The following C16orf96 variants were observed in gnomAD, a reference collection of about 807,000 sequenced individuals.
The protein encoded by C16orf96 is chromosome 16 open reading frame 96, also known as uncharacterized protein C16orf96.
C16orf96 carries 108 observed loss-of-function variants against 103.6 expected under a neutral mutation model. The ratio of observed to expected loss-of-function variants is 1.04; its 90% CI spans 0.89 to 1.22. The LOEUF (loss-of-function observed/expected upper bound fraction) is 1.22. Ranked by LOEUF, C16orf96 falls within the 50% of genes most tolerant of loss-of-function variation. C16orf96 has a pLI of 0.00. For synonymous variants in C16orf96, 566 were observed against 593.5 expected, an observed-to-expected ratio of 0.95 and a Z score of 0.67; for missense variants, 1,586 against 1,464.2, an observed-to-expected ratio of 1.08 and a Z score of -1.36.
intron 1 of C16orf96, 78 bp from the exon 2 acceptor site, chr16:4,571,480 TATC>T: frequency 8.2e-7 from 1 of 1,220,572 alleles, no homozygotes. Context: ...GAACAACGGC[TATC>T]ATCAGAAAGC....
chr16:4,576,981 C>T (rs1382422309), intron 5 of C16orf96, among the ~76,000 whole-genome samples: 7 of 151,948 alleles, frequency 4.6e-5, no homozygotes, highest in Non-Finnish European at 5.9e-5. Flanking sequence ...CACCTGAGAC[C>T]GCAAGTTCAA....
rs553306493 is a variant in C16orf96, at chr16:4,593,005, T to C, written c.2775-219T>C. Among the ~76,000 whole-genome samples the C allele has an allele frequency of 6.6e-6, 1 of 152,198 alleles. No individual in the cohort carries two copies. Among genetic ancestry groups the C allele is most frequent in the Non-Finnish European group, 1.5e-5 (1 of 68,036 alleles). ...TTTACTTTTGGAAATAGAACAATTGTTTTTTGTGTCTTACTGTGATGATCA... is the reference window on the plus strand; with the variant it reads ...TTTACTTTTGGAAATAGAACAATTGCTTTTTGTGTCTTACTGTGATGATCA... On this transcript the variant is annotated intron_variant, in intron 11 of 15. Transcript: ENST00000444310. The surrounding 1 kb of genome is among the most constrained non-coding windows in gnomAD (Gnocchi z 4.2).
In C16orf96 at chr16:4,588,316, G is replaced by A. The variant is rs1896977213; in HGVS notation, c.2577G>A (p.Lys859=). Residue 859 remains lysine, a synonymous_variant, in exon 9 of 16, where the codon AAG becomes AAA. Transcript: ENST00000444310. ...AGAAGGCTATGGAGGAGCTCAGCAA[G>A]GACGTGAACACCAAGGTGAATGCCC... ...SWKKAMEELS[K]DVNTKLVHSD... is the part of the protein sequence containing the mutation. 1 of 1,550,466 alleles carries A rather than the reference G, an allele frequency of 6.4e-7. No individual in the cohort carries two copies. The highest frequency in any genetic ancestry group is 1.4e-5 in the African/African-American group (1 of 73,168).
intron 1 of C16orf96, among the ~76,000 whole-genome samples, chr16:4,567,326 C>T (rs1013647370): frequency 1.9e-4 from 25 of 129,554 alleles, no homozygotes; most frequent in African/African-American, 7.2e-4. Context: ...CTCTGTCACC[C>T]AGGCTGGAGT....
intron 9 of C16orf96, among the ~76,000 whole-genome samples, chr16:4,589,037 C>G (rs149242396): frequency 7.2e-5 from 11 of 152,288 alleles, no homozygotes; most frequent in African/African-American, 2.2e-4. Context: ...TGACACATCA[C>G]TGGCAGTCAG....
chr16:4,579,820 A>C (rs1350223850), intron 6 of C16orf96, among the ~76,000 whole-genome samples, 195 bp from the exon 7 acceptor site: 1 of 152,070 alleles, frequency 6.6e-6, no homozygotes, highest in Non-Finnish European at 1.5e-5. Context: ...CGTGTTGGGC[A>C]GGCTGGTCTC....
At chr16:4,544,053 C>T in the C16orf96 span, among the ~76,000 whole-genome samples, 1 of 152,098 alleles carries the variant, frequency 6.6e-6, no homozygotes, top group Admixed American at 6.6e-5. Context: ...GAGGAAGGAC[C>T]TGTGGAAACT....
In C16orf96 at chr16:4,598,257, G is replaced by T. The variant is rs375325384; in HGVS notation, c.3128-1027G>T. On this transcript the variant is annotated intron_variant, in intron 14 of 15. Coordinates refer to ENST00000444310, the MANE Select transcript of C16orf96 (RefSeq NM_001145011.2). ...TCCCAGCTACTTGGGGGGCTGAGGC[G>T]GGAGGATCACTTGAGCCCAGGAGGT... is the stretch of plus-strand genomic sequence containing the variant. Among the ~76,000 whole-genome samples the T allele has an allele frequency of 6.6e-5, 10 of 152,146 alleles. No individual in the cohort carries two copies. The South Asian group carries it at 2.1e-3, about 32-fold the overall frequency.
rs1307377663 is a variant in C16orf96, at chr16:4,575,430, C to T, written c.950C>T (p.Ala317Val). Residue 317 changes from alanine to valine, a missense_variant, in exon 5 of 16, where the codon GCA becomes GTA. By Grantham distance (64) the Ala-to-Val change is moderately conservative. Transcript: ENST00000444310. ...AQPPALTPESAPGCTTEFAPG... is the reference protein window; with the variant it reads ...AQPPALTPESVPGCTTEFAPG... ...CCTCCGGCCCTCACGCCTGAGTCTG[C>T]ACCTGGGTGCACAACTGAATTTGCA... 1.9e-6 allele frequency: 3 copies of T among 1,549,392 alleles called. No individual in the cohort carries two copies. Among genetic ancestry groups the T allele is most frequent in the East Asian group, 4.9e-5 (2 of 40,918 alleles).
intron 2 of C16orf96, among the ~76,000 whole-genome samples, chr16:4,572,646 C>G (rs1302706127): frequency 6.6e-6 from 1 of 152,088 alleles, no homozygotes; most frequent in Non-Finnish European, 1.5e-5. Context: ...TGGCTTCATT[C>G]TCAGGCAGGT....
chr16:4,581,602 C>A (rs1284510474), intron 7 of C16orf96, among the ~76,000 whole-genome samples: 2 of 151,926 alleles, frequency 1.3e-5, no homozygotes, highest in Non-Finnish European at 2.9e-5. Flanking sequence ...CACTGCACTC[C>A]AGCCTGGGCG....
intron 12 of C16orf96, 129 bp from the exon 13 acceptor site, chr16:4,594,222 C>G: frequency 9.1e-7 from 1 of 1,097,442 alleles, no homozygotes; most frequent in Non-Finnish European, 1.3e-6. Context: ...GCCTGCCTGG[C>G]TGTGCCAGCT....
chr16:4,594,534 C>G (rs1417353093), intron 13 of C16orf96, 24 bp downstream of exon 13: 2 of 1,548,196 alleles, frequency 1.3e-6, no homozygotes, highest in Non-Finnish European at 1.7e-6. Context: ...GGGCCTCCTT[C>G]TCAGAGGGTG....
chr16:4,572,445 G>A lies in C16orf96; in HGVS notation c.525+780G>A, dbSNP rs564117235. 4.6e-5 allele frequency among the ~76,000 whole-genome samples: 7 copies of A among 151,722 alleles called. No individual in the cohort carries two copies. In the East Asian group the frequency reaches 5.8e-4, roughly 13 times the overall value. On this transcript the variant is annotated intron_variant, in intron 2 of 15. Transcript: ENST00000444310. ...CTCCCGAGTAGCTGGGACTACAGGC[G>A]CCCGCCCCCATGCCCGGCTAATTTT...
At chr16:4,547,199 A>G in the C16orf96 span, among the ~76,000 whole-genome samples, 2 of 152,170 alleles carry the variant, frequency 1.3e-5, no homozygotes. Context: ...CAGTGGTATG[A>G]TCTTGGCTCA....
Position 4,591,697 on chromosome 16 carries a change from A to C in C16orf96, c.2624A>C (p.Lys875Thr), listed in dbSNP as rs1274559492. Residue 875 changes from lysine to threonine, a missense_variant, in exon 10 of 16, where the codon AAA becomes ACA. Transcript: ENST00000444310. ...LVHSDLDPLK[K>T]EMEEVWKIVR... ...CACAGTGATCTGGATCCCTTGAAGA[A>C]AGAAATGGAAGAGGTCTGGAAAATC... 1.2e-5 allele frequency: 19 copies of C among 1,551,682 alleles called. No homozygotes were observed. In the South Asian group the frequency reaches 2.0e-4, roughly 17 times the overall value.
chr16:4,582,285 AAAATAAATAAATAAAT>A lies in C16orf96; in HGVS notation c.2352+2187_2352+2202del, dbSNP rs140485410. ...CGACAAGAGCAAGACTCAGTCTCAA[AAAATAAATAAATAAAT>A]AAATAAATAAATAAATAAATAAATA... On this transcript the variant is annotated intron_variant, in intron 7 of 15. Transcript: ENST00000444310. 1.3e-4 allele frequency among the ~76,000 whole-genome samples: 19 copies of A among 149,226 alleles called. No homozygotes were observed. In the East Asian group the frequency reaches 2.2e-3, roughly 17 times the overall value.
the C16orf96 span, among the ~76,000 whole-genome samples, chr16:4,546,919 C>G: frequency 6.6e-6 from 1 of 152,068 alleles, no homozygotes; most frequent in Non-Finnish European, 1.5e-5. Flanking sequence ...TGAGAACACT[C>G]TGAGTGAAAG....
chr16:4,576,265 T>C lies in C16orf96; in HGVS notation c.1785T>C (p.Phe595=). ...AAQAAKVAAK[F]VKDAPATKMA... ...AGGCAGCCAAAGTTGCTGCCAAGTT[T>C]GTCAAGGATGCCCCAGCCACCAAAA... Residue 595 remains phenylalanine (F), a synonymous_variant, in exon 5 of 16, where the codon TTT becomes TTC. Transcript: ENST00000444310. The C allele has an allele frequency of 6.4e-7, 1 of 1,550,744 alleles. No homozygotes were observed. Among genetic ancestry groups the C allele is most frequent in the Non-Finnish European group, 8.7e-7 (1 of 1,146,996 alleles).
Sources: gnomAD v4.1 joint callset for allele counts (sites outside exome capture counted in the v4.1 genomes callset) on GRCh38, gnomAD v4.1.1 for gene constraint, Gnocchi (gnomAD v3.1) non-coding constraint, MANE v1.5 for transcripts, NCBI Gene and HGNC (gene_info 2026-07-23, HGNC 2026-07-21) for gene names.